Variants in AJAP1 observed in about 807,000 individuals in gnomAD.
AJAP1 encodes the protein adherens junction-associated protein 1.
In AJAP1, 5 loss-of-function variants were observed where a neutral mutation model predicts 35.0. The ratio of observed to expected loss-of-function variants is 0.14; its 90% CI spans 0.07 to 0.30. AJAP1 has a LOEUF of 0.30. Among genes scored for constraint, AJAP1 ranks in the 10% least tolerant of loss-of-function variants. The pLI is 1.00. For synonymous variants in AJAP1, 284 were observed against 249.3 expected (o/e 1.14, Z -1.31); for missense variants, 586 against 571.0 (o/e 1.03, Z -0.27).
intron 1 of AJAP1, among the ~76,000 whole-genome samples, chr1:4,697,057 TGTTA>T (rs1205993682): frequency 8.5e-5 from 13 of 152,262 alleles, no homozygotes; most frequent in East Asian, 7.7e-4. Flanking sequence ...TGTGTGTGTA[TGTTA>T]GTTTGTGCAT....
chr1:4,694,755 C>T (rs757443968), intron 1 of AJAP1, among the ~76,000 whole-genome samples: 1 of 152,162 alleles, frequency 6.6e-6, no homozygotes, highest in Non-Finnish European at 1.5e-5. Flanking sequence ...GGGGGTGGGA[C>T]CTACAGCCAG....
Position 4,782,465 on chromosome 1 carries a change from C to T in AJAP1, c.*60-80C>T, listed in dbSNP as rs1642081825. 1 of 292,362 alleles carries T rather than the reference C, an allele frequency of 3.4e-6. No homozygotes were observed. Among genetic ancestry groups the T allele is most frequent in the Admixed American group, 5.2e-5 (1 of 19,292 alleles). 18.1% of individuals were successfully genotyped at this position (292,362 alleles called of 1,614,324 possible). A position where few individuals can be genotyped will look rare whatever the true frequency, so the allele number is the denominator to read the frequency against. On this transcript the variant is annotated intron_variant, in intron 5 of 5. Transcript: ENST00000378191. This position sits in a 1 kb window ranked among gnomAD's most constrained non-coding sequence, Gnocchi z 5.3. Reference sequence around the variant, plus strand: ...GCGGGGGTGCTGCGTGTGGGGGTCCCAGTCGACCGAGAACCCCACAGACTT... The same window carrying T: ...GCGGGGGTGCTGCGTGTGGGGGTCCTAGTCGACCGAGAACCCCACAGACTT...
chr1:4,673,210 T>C (rs907962762), intron 1 of AJAP1, among the ~76,000 whole-genome samples: 1 of 152,144 alleles, frequency 6.6e-6, no homozygotes, highest in East Asian at 1.9e-4. Context: ...TGTGAGCTCA[T>C]AGGTGGGGTT....
rs1640501139 is a variant in AJAP1, at chr1:4,720,869, A to C, written c.829+8170A>C. 6.6e-6 allele frequency among the ~76,000 whole-genome samples: 1 copy of C among 152,130 alleles called. No individual in the cohort carries two copies. The highest frequency in any genetic ancestry group is 2.1e-4 in the South Asian group (1 of 4,832). On this transcript the variant is annotated intron_variant, in intron 2 of 5. Coordinates refer to ENST00000378191, the MANE Select transcript of AJAP1 (RefSeq NM_018836.4). This position sits in a 1 kb window ranked among gnomAD's most constrained non-coding sequence, Gnocchi z 4.4. ...ATCTTTCCCTGCCCTGGAAGGCCTC[A>C]GTTCTCACTGTGGTGGTCAGACCTA... is the stretch of plus-strand genomic sequence containing the variant.
intron 1 of AJAP1, among the ~76,000 whole-genome samples, chr1:4,681,962 T>C (rs1639493421): frequency 6.6e-6 from 1 of 152,180 alleles, no homozygotes; most frequent in Non-Finnish European, 1.5e-5. Context: ...ATAGCAATCC[T>C]ATAATGATCT....
At chr1:4,735,875 G>A (rs1214521000) in intron 2 of AJAP1, among the ~76,000 whole-genome samples, 1 of 152,206 alleles carries the variant, frequency 6.6e-6, no homozygotes, top group African/African-American at 2.4e-5. Flanking sequence ...CTCAGCCCTG[G>A]GGCCCGCCTC....
Position 4,692,245 on chromosome 1 carries a change from G to A in AJAP1, c.30-19655G>A, listed in dbSNP as rs1313986562. Among the ~76,000 whole-genome samples, 1 of 152,144 alleles carries A rather than the reference G, an allele frequency of 6.6e-6. No individual in the cohort carries two copies. The highest frequency in any genetic ancestry group is 1.5e-5 in the Non-Finnish European group (1 of 68,018). ...GCTCCTGCTGCTGCCTCCCGCCGCT[G>A]CCTCCCGCCACCAGGACAGGGTTGT... On this transcript the variant is annotated intron_variant, in intron 1 of 5. Coordinates refer to ENST00000378191, the MANE Select transcript of AJAP1 (RefSeq NM_018836.4). The surrounding 1 kb of genome is among the most constrained non-coding windows in gnomAD (Gnocchi z 4.4).
At chr1:4,737,545 AGGC>A (rs1640957982) in intron 2 of AJAP1, among the ~76,000 whole-genome samples, 1 of 151,260 alleles carries the variant, frequency 6.6e-6, no homozygotes, top group Non-Finnish European at 1.5e-5. Flanking sequence ...GCCTCTGCAT[AGGC>A]AGGGCCAGGG....
intron 1 of AJAP1, among the ~76,000 whole-genome samples, chr1:4,700,215 GC>G (rs1284017086): frequency 6.6e-6 from 1 of 152,086 alleles, no homozygotes; most frequent in African/African-American, 2.4e-5. Flanking sequence ...CACCCTTCTT[GC>G]CCACCACCCA....
rs1638882850 is a variant in AJAP1 at position 4,656,385 on chromosome 1, T to C, written c.29+931T>C. Among the ~76,000 whole-genome samples, 1 of 152,288 alleles carries C rather than the reference T, an allele frequency of 6.6e-6. No individual in the cohort carries two copies. Among genetic ancestry groups the C allele is most frequent in the African/African-American group, 2.4e-5 (1 of 41,564 alleles). Reference sequence around the variant, plus strand: ...CGGGGCATTCACCGAGCTCGTGCATTTGGGTCCCGGGTTGGAACCGCGAGC... The same window carrying C: ...CGGGGCATTCACCGAGCTCGTGCATCTGGGTCCCGGGTTGGAACCGCGAGC... On this transcript the variant is annotated intron_variant, in intron 1 of 5. Coordinates refer to ENST00000378191, the MANE Select transcript of AJAP1 (RefSeq NM_018836.4). The surrounding 1 kb of genome is among the most constrained non-coding windows in gnomAD (Gnocchi z 5.7).
chr1:4,774,482 T>A lies in AJAP1; in HGVS notation c.1219T>A (p.Phe407Ile). Reference sequence around the variant, plus strand: ...TGTGGCCTTCGTGTCTGAGAAATGGTTTGAAATCTCCTGCTGACTGGCCGA... The same window carrying A: ...TGTGGCCTTCGTGTCTGAGAAATGGATTGAAATCTCCTGCTGACTGGCCGA... ...IPVAFVSEKWFEISC is the reference protein window; with the variant it reads ...IPVAFVSEKWIEISC Residue 407 changes from phenylalanine (F) to isoleucine (I), a missense_variant, in exon 5 of 6, where the codon TTT (phenylalanine) becomes ATT (isoleucine). Coordinates refer to ENST00000378191, the MANE Select transcript of AJAP1 (RefSeq NM_018836.4). 1 of 1,614,170 alleles carries A rather than the reference T, an allele frequency of 6.2e-7. No individual in the cohort carries two copies. Among genetic ancestry groups the A allele is most frequent in the Non-Finnish European group, 8.5e-7 (1 of 1,180,028 alleles).
chr1:4,713,225 T>G (rs999470582), intron 2 of AJAP1, among the ~76,000 whole-genome samples: 1 of 152,190 alleles, frequency 6.6e-6, no homozygotes, highest in Non-Finnish European at 1.5e-5. Context: ...GGAATGGCCT[T>G]AAATAGCAAG....
intron 1 of AJAP1, among the ~76,000 whole-genome samples, chr1:4,680,238 C>T (rs1261141373): frequency 1.3e-5 from 2 of 152,190 alleles, no homozygotes; most frequent in African/African-American, 2.4e-5. Flanking sequence ...TATCCATGAA[C>T]ACCCTCACCC....
intron 1 of AJAP1, among the ~76,000 whole-genome samples, chr1:4,659,371 G>A (rs1253065436): frequency 6.6e-6 from 1 of 152,170 alleles, no homozygotes; most frequent in Non-Finnish European, 1.5e-5. Context: ...GAGGAGACAG[G>A]AGCAGGGGCT....
At chr1:4,711,666 G>GGTGCC (rs768780832) in intron 1 of AJAP1, among the ~76,000 whole-genome samples, 7 of 152,178 alleles carry the variant, frequency 4.6e-5, no homozygotes, top group Admixed American at 1.3e-4. Context: ...TCAGCCCCGC[G>GGTGCC]GTGCCGGGAA....
chr1:4,780,635 T>TC (rs1553162357), intron 5 of AJAP1, among the ~76,000 whole-genome samples: 1 of 145,736 alleles, frequency 6.9e-6, no homozygotes, highest in Non-Finnish European at 1.5e-5. Flanking sequence ...CTTTCTTTCT[T>TC]TTTTTTTTTT....
chr1:4,772,897 C>T (rs573560614), intron 4 of AJAP1, among the ~76,000 whole-genome samples: 8 of 152,264 alleles, frequency 5.3e-5, no homozygotes, highest in African/African-American at 1.7e-4. Context: ...AACAGCCCCC[C>T]GACCGGAGTC....
intron 5 of AJAP1, among the ~76,000 whole-genome samples, chr1:4,775,954 G>A (rs944360664): frequency 7.9e-5 from 12 of 152,220 alleles, no homozygotes; most frequent in Admixed American, 6.5e-5. Context: ...TGTAGTCCGC[G>A]ACCCGCCTGG....
intron 1 of AJAP1, among the ~76,000 whole-genome samples, chr1:4,690,430 C>T (rs900836496): frequency 6.6e-6 from 1 of 152,194 alleles, no homozygotes; most frequent in Non-Finnish European, 1.5e-5. Flanking sequence ...ACAGCTACGC[C>T]CTCTCTTCGT....
Sources: gnomAD v4.1 joint callset for allele counts (sites outside exome capture counted in the v4.1 genomes callset) on GRCh38, gnomAD v4.1.1 for gene constraint, Gnocchi (gnomAD v3.1) non-coding constraint, MANE v1.5 for transcripts, NCBI Gene and HGNC (gene_info 2026-07-23, HGNC 2026-07-21) for gene names.